The following MAPK10 variants were observed in gnomAD, a reference collection of about 807,000 sequenced individuals.
MAPK10 encodes the protein mitogen-activated protein kinase 10.
A neutral mutation model predicts 59.3 loss-of-function variants in MAPK10; 25 were observed. The ratio of observed to expected loss-of-function variants is 0.42; its 90% CI spans 0.31 to 0.59. The LOEUF (loss-of-function observed/expected upper bound fraction) is 0.59. Ranked by LOEUF, MAPK10 falls within the 20% of genes least tolerant of loss-of-function variation. The pLI is 0.15. For missense variants in MAPK10, 351 were observed against 568.9 expected (o/e 0.62, Z 3.90); for synonymous variants, 190 against 200.5 (o/e 0.95, Z 0.44).
At chr4:86,195,919 T>G (rs980566773) in intron 2 of MAPK10, among the ~76,000 whole-genome samples, 1 of 152,254 alleles carries the variant, frequency 6.6e-6, no homozygotes, top group Non-Finnish European at 1.5e-5. Context: ...TACGGATGCA[T>G]AGTATTGCAT....
chr4:86,196,089 T>C (rs183050294), intron 2 of MAPK10, among the ~76,000 whole-genome samples: 3 of 152,308 alleles, frequency 2.0e-5, no homozygotes, highest in Admixed American at 6.5e-5. Context: ...TACCCAGTAA[T>C]GGGATTGCTG....
In MAPK10 at chr4:86,134,425, G is replaced by A. The variant is rs1374272410; in HGVS notation, c.236+24873C>T. 2.0e-5 allele frequency among the ~76,000 whole-genome samples: 3 copies of A among 152,036 alleles called. No homozygotes were observed. The East Asian group carries it at 5.8e-4, about 29-fold the overall frequency. ...ATATCTAACTCAAACTCCATTAATA[G>A]CAATTAATAATCAGATTTTGCAAAA... On this transcript the variant is annotated intron_variant, in intron 4 of 13. Coordinates refer to ENST00000641462, the MANE Select transcript of MAPK10 (RefSeq NM_138982.4).
intron 3 of MAPK10, among the ~76,000 whole-genome samples, chr4:86,161,874 C>G (rs2069813338): frequency 6.6e-6 from 1 of 152,018 alleles, no homozygotes; most frequent in Admixed American, 6.6e-5. Flanking sequence ...TTCACTGTGG[C>G]TTTTCCAGCT....
At chr4:86,106,443 AT>A (rs1377570253) in intron 5 of MAPK10, among the ~76,000 whole-genome samples, 2 of 148,708 alleles carry the variant, frequency 1.3e-5, no homozygotes, top group African/African-American at 2.4e-5. Context: ...TTTATTATAT[AT>A]TTATATCTAA....
chr4:86,271,035 T>C (rs1045825077), intron 2 of MAPK10, among the ~76,000 whole-genome samples: 19 of 152,066 alleles, frequency 1.2e-4, no homozygotes, highest in African/African-American at 4.1e-4. Context: ...TCATAAGTAG[T>C]TAGGAGTAAA....
intron 1 of MAPK10, among the ~76,000 whole-genome samples, chr4:86,553,291 T>C (rs955978484): frequency 7.9e-5 from 12 of 152,088 alleles, no homozygotes; most frequent in African/African-American, 2.4e-4. Context: ...AGAGATAAGA[T>C]TGAAATAAAT....
intron 1 of MAPK10, among the ~76,000 whole-genome samples, chr4:86,437,040 A>G (rs564582046): frequency 1.2e-4 from 19 of 152,012 alleles, no homozygotes; most frequent in South Asian, 6.2e-4. Flanking sequence ...GTGAAACCAC[A>G]TCTCTACTAA....
intron 4 of MAPK10, among the ~76,000 whole-genome samples, chr4:86,156,442 G>A (rs2067797202): frequency 3.3e-5 from 5 of 151,660 alleles, no homozygotes; most frequent in African/African-American, 1.2e-4. Context: ...ATTGAATTGT[G>A]ACCACTTACA....
intron 1 of MAPK10, among the ~76,000 whole-genome samples, chr4:86,399,538 A>C (rs1743402565): frequency 6.6e-6 from 1 of 152,030 alleles, no homozygotes; most frequent in South Asian, 2.1e-4. Flanking sequence ...TATTCTGTTG[A>C]TCTTTCTTTT....
chr4:86,459,296 G>A (rs1038088849), intron 1 of MAPK10, among the ~76,000 whole-genome samples: 27 of 152,164 alleles, frequency 1.8e-4, no homozygotes, highest in African/African-American at 4.6e-4. Context: ...ACACTTCTAC[G>A]CTGCTGGTGG....
intron 4 of MAPK10, among the ~76,000 whole-genome samples, chr4:86,145,565 A>T (rs927680081): frequency 6.6e-6 from 1 of 152,062 alleles, no homozygotes; most frequent in Admixed American, 6.5e-5. Flanking sequence ...ATTGTTCTCT[A>T]ACAATTATTT....
At chr4:86,034,555 T>C (rs183435920) in intron 11 of MAPK10, among the ~76,000 whole-genome samples, 1 of 152,352 alleles carries the variant, frequency 6.6e-6, no homozygotes, top group East Asian at 1.9e-4. Context: ...AGTAAAGGTC[T>C]TGGGCACCTA....
chr4:86,309,237 T>C (rs1204168619), intron 2 of MAPK10, among the ~76,000 whole-genome samples: 2 of 152,166 alleles, frequency 1.3e-5, no homozygotes, highest in Non-Finnish European at 2.9e-5. Context: ...AAAAAGTAAT[T>C]GAGGCTGTAA....
At chr4:86,329,765 C>T (rs543221182) in intron 2 of MAPK10, among the ~76,000 whole-genome samples, 1 of 152,284 alleles carries the variant, frequency 6.6e-6, no homozygotes, top group Non-Finnish European at 1.5e-5. Flanking sequence ...CTCATTTCTA[C>T]CTTCCAAAAA....
chr4:86,192,623 A>G (rs2149312284), intron 3 of MAPK10: 1 of 152,120 alleles, frequency 6.6e-6, no homozygotes, highest in South Asian at 2.1e-4. Flanking sequence ...CAGCTCCATC[A>G]GGTCATTTAT....
At chr4:86,158,211 A>G (rs1581519057) in intron 4 of MAPK10, among the ~76,000 whole-genome samples, 1 of 151,924 alleles carries the variant, frequency 6.6e-6, no homozygotes, top group East Asian at 1.9e-4. Context: ...TTTTATCACA[A>G]CTGCAAGGAA....
chr4:86,402,449 A>T (rs73835402), intron 1 of MAPK10, among the ~76,000 whole-genome samples: 26,982 of 152,120 alleles, frequency 0.18, 2,525 homozygotes, highest in South Asian at 0.28. Flanking sequence ...CAATCAGTGC[A>T]GAAAATATAA....
chr4:86,330,051 A>T (rs777311137), intron 2 of MAPK10, among the ~76,000 whole-genome samples: 2 of 152,194 alleles, frequency 1.3e-5, no homozygotes, highest in African/African-American at 2.4e-5. Flanking sequence ...GTGCGGCTGT[A>T]TATGAGTGTG....
Position 86,443,117 on chromosome 4 carries a change from G to A in MAPK10, c.-122+9913C>T, listed in dbSNP as rs188505811. Among the ~76,000 whole-genome samples, 341 of 152,194 alleles carry A rather than the reference G, an allele frequency of 2.2e-3. 1 individual carries two copies. The highest frequency in any genetic ancestry group is 8.0e-3 in the African/African-American group (333 of 41,534). ...AATTAGAATTGAGGAATTGCTGGCAGCTCTGAATAGATAAGTTTTTGTGTT... is the reference window on the plus strand; with the variant it reads ...AATTAGAATTGAGGAATTGCTGGCAACTCTGAATAGATAAGTTTTTGTGTT... On this transcript the variant is annotated intron_variant, in intron 1 of 13. Transcript: ENST00000361569.
Sources: allele counts gnomAD v4.1 joint callset (sites outside exome capture counted in the v4.1 genomes callset), GRCh38; gene constraint gnomAD v4.1.1; transcripts MANE v1.5; gene names NCBI Gene and HGNC (gene_info 2026-07-23, HGNC 2026-07-21).